SSBP3: variants seen among roughly 807,000 people sequenced by gnomAD.
SSBP3 encodes single stranded DNA binding protein 3.
A neutral mutation model predicts 69.6 loss-of-function variants in SSBP3; 5 were observed. The observed-to-expected ratio is 0.07, with a 90% confidence interval of 0.04 to 0.15. SSBP3 has a LOEUF of 0.15. Ranked by LOEUF, SSBP3 falls within the 10% of genes least tolerant of loss-of-function variation. The probability of loss-of-function intolerance (pLI) is 1.00; values close to 1 mark genes in which losing one functional copy is unlikely to be tolerated. For synonymous variants in SSBP3, 196 were observed against 193.4 expected (o/e 1.01, Z -0.11); for missense variants, 312 against 534.0 (o/e 0.58, Z 4.10).
intron 4 of SSBP3, among the ~76,000 whole-genome samples, chr1:54,342,917 AACGCTCCCCGATGCCG>A: frequency 6.6e-6 from 1 of 152,176 alleles, no homozygotes; most frequent in Non-Finnish European, 1.5e-5. Flanking sequence ...CTCAAGGGAA[AACGCTCCCCGATGCCG>A]ACAGATGGGG....
At chr1:54,357,039 G>T (rs201248899) in intron 4 of SSBP3, among the ~76,000 whole-genome samples, 1 of 151,996 alleles carries the variant, frequency 6.6e-6, no homozygotes, top group East Asian at 1.9e-4. Context: ...GCTCACAGGG[G>T]TAACAGAGGC....
chr1:54,390,905 C>G (rs138494553), intron 4 of SSBP3, among the ~76,000 whole-genome samples: 2 of 152,210 alleles, frequency 1.3e-5, no homozygotes, highest in South Asian at 4.1e-4. Flanking sequence ...TAAAAGCCGG[C>G]GAGCAGAGAC....
At chr1:54,410,933 A>T (rs954136462), upstream of SSBP3, among the ~76,000 whole-genome samples, 17 of 152,290 alleles carry the variant, frequency 1.1e-4, no homozygotes, top group African/African-American at 3.4e-4. Context: ...ATGTTTCGAA[A>T]ATTGAAAAAG....
chr1:54,255,727 GAA>G (rs140919242), intron 7 of SSBP3: 1 of 149,114 alleles, frequency 6.7e-6, no homozygotes, highest in African/African-American at 2.5e-5. Flanking sequence ...CTTTTGGAGA[GAA>G]AAAAAAACAA....
intron 4 of SSBP3, among the ~76,000 whole-genome samples, chr1:54,326,947 G>A (rs1020552991): frequency 6.6e-6 from 1 of 152,044 alleles, no homozygotes; most frequent in Non-Finnish European, 1.5e-5. Flanking sequence ...CCTAGGAAAC[G>A]GGGCCAAGGA....
At chr1:54,406,048 C>CCGCCGCCGCCGA (rs1286015914) in exon 1 of SSBP3, 52 of 1,420,996 alleles carry the variant, frequency 3.7e-5, no homozygotes, top group Non-Finnish European at 4.8e-5. Flanking sequence ...GCCGCCGCCG[C>CCGCCGCCGCCGA]CGCCGCCGCC....
Position 54,228,374 on chromosome 1 carries a change from G to A in SSBP3, c.1036-18C>T, listed in dbSNP as rs368318679. The A allele has an allele frequency of 6.2e-6, 10 of 1,614,016 alleles. No individual in the cohort carries two copies. Among genetic ancestry groups the A allele is most frequent in the Non-Finnish European group, 5.9e-6 (7 of 1,180,002 alleles). ...GGAGAATTCTGTGGAAAGAGGAGAG[G>A]AGGTGAGCACCTGTGTCCCCAACAA... On this transcript the variant is annotated intron_variant, in intron 16 of 17. Transcript: ENST00000610401.
intron 4 of SSBP3, among the ~76,000 whole-genome samples, chr1:54,336,074 A>G (rs1171756637): frequency 6.6e-6 from 1 of 152,246 alleles, no homozygotes; most frequent in Non-Finnish European, 1.5e-5. Context: ...ATCTGCAGAA[A>G]GAAGGGAATA....
chr1:54,329,954 A>G (rs1419244167), intron 4 of SSBP3, among the ~76,000 whole-genome samples: 2 of 152,182 alleles, frequency 1.3e-5, no homozygotes, highest in African/African-American at 4.8e-5. Context: ...AGCTTCCAAC[A>G]TAACACCAAG....
At chr1:54,385,341 A>AAAAC (rs1326716041) in intron 4 of SSBP3, among the ~76,000 whole-genome samples, 1 of 152,188 alleles carries the variant, frequency 6.6e-6, no homozygotes, top group Non-Finnish European at 1.5e-5. Flanking sequence ...CTCCCCACCA[A>AAAAC]AAACAGACTT....
At chr1:54,239,455 C>A (rs1176070613) in intron 13 of SSBP3, among the ~76,000 whole-genome samples, 1 of 152,208 alleles carries the variant, frequency 6.6e-6, no homozygotes, top group African/African-American at 2.4e-5. Flanking sequence ...CTTGTCTCCC[C>A]ACCCCACACC....
intron 4 of SSBP3, among the ~76,000 whole-genome samples, chr1:54,381,618 C>T (rs940866052): frequency 6.6e-6 from 1 of 152,156 alleles, no homozygotes; most frequent in Non-Finnish European, 1.5e-5. Flanking sequence ...GGCACCTTGC[C>T]GAGGCCCTCA....
intron 7 of SSBP3, 62 bp from the exon 8 acceptor site, chr1:54,251,922 G>C: frequency 1.4e-6 from 2 of 1,417,338 alleles, no homozygotes; most frequent in Non-Finnish European, 2.0e-6. Flanking sequence ...ATGGGGACAG[G>C]CATCTACCTG....
intron 4 of SSBP3, among the ~76,000 whole-genome samples, chr1:54,331,039 C>T (rs1646401261): frequency 6.6e-6 from 1 of 152,214 alleles, no homozygotes; most frequent in Admixed American, 6.5e-5. Flanking sequence ...TCATTGCAAA[C>T]ACTTTAGTAC....
At chr1:54,295,051 G>A (rs1271184897) in intron 4 of SSBP3, among the ~76,000 whole-genome samples, 1 of 152,112 alleles carries the variant, frequency 6.6e-6, no homozygotes, top group Non-Finnish European at 1.5e-5. Context: ...AAACCACAGA[G>A]CAAGCCCTGA....
chr1:54,285,583 C>A (rs1006690790), intron 4 of SSBP3: 2 of 152,108 alleles, frequency 1.3e-5, no homozygotes, highest in Non-Finnish European at 2.9e-5. Context: ...ATGATTACTA[C>A]GTGTATAATT....
intron 4 of SSBP3, among the ~76,000 whole-genome samples, chr1:54,332,528 A>C (rs1466021911): frequency 6.6e-6 from 1 of 151,324 alleles, no homozygotes; most frequent in Non-Finnish European, 1.5e-5. Flanking sequence ...ATCTTTCCAA[A>C]CCCCCCTGGC....
At chr1:54,355,144 C>A in intron 4 of SSBP3, among the ~76,000 whole-genome samples, 1 of 152,242 alleles carries the variant, frequency 6.6e-6, no homozygotes, top group Non-Finnish European at 1.5e-5. Context: ...GCAATGCCTG[C>A]CACATGCGGC....
chr1:54,352,948 C>G (rs916608401), intron 4 of SSBP3, among the ~76,000 whole-genome samples: 2 of 152,222 alleles, frequency 1.3e-5, no homozygotes, highest in African/African-American at 4.8e-5. Context: ...GAGCCGACGC[C>G]GGGCCCCTCA....
Sources: gnomAD v4.1 joint callset for allele counts (sites outside exome capture counted in the v4.1 genomes callset) on GRCh38, gnomAD v4.1.1 for gene constraint, MANE v1.5 for transcripts, NCBI Gene and HGNC (gene_info 2026-07-23, HGNC 2026-07-21) for gene names.